The following PPP1R12A variants were observed in gnomAD, a reference collection of about 807,000 sequenced individuals.
PPP1R12A encodes the protein myosin binding subunit.
Under a neutral mutation model 139.6 loss-of-function variants are expected in PPP1R12A, and 19 were observed. The ratio of observed to expected loss-of-function variants is 0.14; its 90% CI spans 0.09 to 0.20. The LOEUF (loss-of-function observed/expected upper bound fraction) is 0.20. PPP1R12A is among the 10% of genes least tolerant of loss of function. PPP1R12A has a pLI of 1.00. For synonymous variants in PPP1R12A, 427 were observed against 420.6 expected (o/e 1.02, Z -0.19); for missense variants, 925 against 1,211.5 (o/e 0.76, Z 3.51).
chr12:79,820,711 C>CA (rs1187305651), intron 8 of PPP1R12A, 63 bp downstream of exon 8: 10 of 1,558,780 alleles, frequency 6.4e-6, no homozygotes, highest in Non-Finnish European at 8.7e-6. Flanking sequence ...AATTACGTCT[C>CA]ATCTTGTCTT....
Position 79,806,183 on chromosome 12 carries a change from T to C in PPP1R12A, c.1806A>G (p.Ser602=). 2 of 1,613,920 alleles carry C rather than the reference T, an allele frequency of 1.2e-6. No homozygotes were observed. Reference sequence around the variant, plus strand: ...TGACTTACCTGCTTTGTGTGCCTGCTGAGGAAGAACCCGTTGTAATCTTTG... The same window carrying C: ...TGACTTACCTGCTTTGTGTGCCTGCCGAGGAAGAACCCGTTGTAATCTTTG... The part of the protein sequence containing the change: ...TTTKITTGSS[S]AGTQSSTSNR... The change falls in exon 13 of 25, where the codon TCA becomes TCG. Residue 602 remains serine (S), a synonymous_variant. Transcript: ENST00000450142.
At chr12:79,807,530 G>A (rs1341256425) in intron 11 of PPP1R12A, among the ~76,000 whole-genome samples, 200 bp from the exon 12 acceptor site, 2 of 151,694 alleles carry the variant, frequency 1.3e-5, no homozygotes, top group African/African-American at 2.4e-5. Context: ...TAAGTATGGG[G>A]GAAAATTCAG....
chr12:79,853,154 A>G (rs552322331), intron 2 of PPP1R12A, among the ~76,000 whole-genome samples: 3 of 152,218 alleles, frequency 2.0e-5, no homozygotes, highest in Admixed American at 6.5e-5. Flanking sequence ...AGTGTGACCA[A>G]TGTTTTTTTC....
chr12:79,785,536 C>G (rs1343031088), intron 22 of PPP1R12A, among the ~76,000 whole-genome samples: 3 of 151,986 alleles, frequency 2.0e-5, no homozygotes, highest in Admixed American at 6.6e-5. Flanking sequence ...TCTGGATATG[C>G]TGTTTTTAGA....
rs532685150 is a variant in PPP1R12A, at chr12:79,905,478, G to A, written c.237+29217C>T. Reference sequence around the variant, plus strand: ...ACTCAAAGGGGTTAATAAAAACAGGGAACTAGTAAGTGGCACAGAAGGATT... The same window carrying A: ...ACTCAAAGGGGTTAATAAAAACAGGAAACTAGTAAGTGGCACAGAAGGATT... On this transcript the variant is annotated intron_variant, in intron 1 of 24. Transcript: ENST00000450142. Among the ~76,000 whole-genome samples the A allele has an allele frequency of 1.3e-5, 2 of 152,062 alleles. 1 individual carries two copies. The highest frequency in any genetic ancestry group is 4.8e-5 in the African/African-American group (2 of 41,484).
chr12:79,909,894 G>A (rs1200280641), intron 1 of PPP1R12A, among the ~76,000 whole-genome samples: 1 of 151,862 alleles, frequency 6.6e-6, no homozygotes, highest in Non-Finnish European at 1.5e-5. Flanking sequence ...TAGAGAGAGA[G>A]TTTCACCATC....
At chr12:79,908,772 A>G (rs1467453423) in intron 1 of PPP1R12A, among the ~76,000 whole-genome samples, 1 of 152,216 alleles carries the variant, frequency 6.6e-6, no homozygotes, top group Non-Finnish European at 1.5e-5. Context: ...CAGTGTTCAG[A>G]TAAAGTTATT....
At chr12:79,919,347 G>A (rs1565816911) in intron 1 of PPP1R12A, among the ~76,000 whole-genome samples, 1 of 151,740 alleles carries the variant, frequency 6.6e-6, no homozygotes, top group Non-Finnish European at 1.5e-5. Flanking sequence ...ACGAGGTCAG[G>A]AGTTCAAGAC....
intron 2 of PPP1R12A, chr12:79,848,709 G>A (rs868307396): frequency 6.0e-4 from 92 of 152,106 alleles, no homozygotes; most frequent in African/African-American, 2.2e-3. Context: ...CTGCACTCTA[G>A]AACTATTACT....
chr12:79,818,680 A>G (rs1875709246), intron 8 of PPP1R12A: 1 of 152,208 alleles, frequency 6.6e-6, no homozygotes, highest in African/African-American at 2.4e-5. Flanking sequence ...CATTTTCTCA[A>G]CTAACTTTCA....
intron 1 of PPP1R12A, among the ~76,000 whole-genome samples, chr12:79,930,696 C>T (rs1444614947): frequency 2.6e-5 from 4 of 152,008 alleles, no homozygotes; most frequent in Non-Finnish European, 4.4e-5. Context: ...CGCTCGAATC[C>T]GGGAGGTGGA....
chr12:79,911,987 C>T (rs1312368990), intron 1 of PPP1R12A, among the ~76,000 whole-genome samples: 1 of 152,156 alleles, frequency 6.6e-6, no homozygotes, highest in African/African-American at 2.4e-5. Context: ...CTGACCTCAA[C>T]CTATCTCTAT....
chr12:79,776,547 A>G (rs370923625), intron 24 of PPP1R12A, among the ~76,000 whole-genome samples: 6 of 152,296 alleles, frequency 3.9e-5, no homozygotes, highest in African/African-American at 1.4e-4. Context: ...ACAATGTCCG[A>G]TCCCAGATAG....
intron 3 of PPP1R12A, among the ~76,000 whole-genome samples, chr12:79,838,115 A>C (rs1187078836): frequency 6.6e-6 from 1 of 152,202 alleles, no homozygotes; most frequent in African/African-American, 2.4e-5. Context: ...AAATGCTGAT[A>C]GTGATATGGA....
At chr12:79,861,526 C>T (rs1258287696) in intron 2 of PPP1R12A, among the ~76,000 whole-genome samples, 3 of 152,192 alleles carry the variant, frequency 2.0e-5, no homozygotes, top group Non-Finnish European at 1.5e-5. Flanking sequence ...ACCTGGGAAG[C>T]GCAAGGGGTC....
intron 14 of PPP1R12A, among the ~76,000 whole-genome samples, chr12:79,801,345 C>CAAAAAAAAAAAAAAAAAA (rs201977462): frequency 2.0e-4 from 4 of 20,186 alleles, no homozygotes; most frequent in South Asian, 9.9e-4. Flanking sequence ...AACTCTGTCT[C>CAAAAAAAAAAAAAAAAAA]AAAAAAAAAA....
chr12:79,793,996 A>G (rs1271962140), intron 18 of PPP1R12A, 68 bp from the exon 19 acceptor site: 2 of 1,220,038 alleles, frequency 1.6e-6, no homozygotes, highest in African/African-American at 1.6e-5. Context: ...ATTTTTTAAA[A>G]TTATTTTTGG....
chr12:79,779,117 T>A, intron 23 of PPP1R12A: 1 of 354,004 alleles, frequency 2.8e-6, no homozygotes, highest in Non-Finnish European at 5.6e-6. Context: ...TGACATTATG[T>A]GTAGCATTAA....
intron 1 of PPP1R12A, among the ~76,000 whole-genome samples, chr12:79,906,292 A>G (rs1196205932): frequency 1.3e-5 from 2 of 152,178 alleles, no homozygotes; most frequent in African/African-American, 4.8e-5. Context: ...TACAATCACA[A>G]GAATGTTTTT....
Sources: allele counts gnomAD v4.1 joint callset (sites outside exome capture counted in the v4.1 genomes callset), GRCh38; gene constraint gnomAD v4.1.1; transcripts MANE v1.5; gene names NCBI Gene and HGNC (gene_info 2026-07-23, HGNC 2026-07-21).